Variants in TRPM3 observed in about 807,000 individuals in gnomAD.
The protein encoded by TRPM3 is transient receptor potential cation channel subfamily M member 3.
Under a neutral mutation model 181.2 loss-of-function variants are expected in TRPM3, and 77 were observed. The observed-to-expected ratio is 0.42, with a 90% CI of 0.35 to 0.51. TRPM3 has a LOEUF of 0.51. Among genes scored for constraint, TRPM3 ranks in the 20% least tolerant of loss-of-function variants. The probability of loss-of-function intolerance (pLI) is 0.01; values close to 1 mark genes in which losing one functional copy is unlikely to be tolerated. For missense variants in TRPM3, 1,759 were observed against 2,196.7 expected, an observed-to-expected ratio of 0.80 and a Z score of 3.98; for synonymous variants, 745 against 796.4, an observed-to-expected ratio of 0.94 and a Z score of 1.09.
At chr9:71,198,336 G>A (rs888601973) in intron 1 of TRPM3, among the ~76,000 whole-genome samples, 3 of 151,726 alleles carry the variant, frequency 2.0e-5, no homozygotes, top group African/African-American at 7.3e-5. Context: ...TTTGGCTTAG[G>A]AATGACTTGG....
rs1351806819 is a variant in TRPM3 at position 70,776,403 on chromosome 9, T to C, written c.1148+7702A>G. Reference sequence around the variant, plus strand: ...CAGCTGAGAGGACCGTCATTCGCCATCAACTAGCACCATTTCACTTCTAAA... The same window carrying C: ...CAGCTGAGAGGACCGTCATTCGCCACCAACTAGCACCATTTCACTTCTAAA... On this transcript the variant is annotated intron_variant, in intron 7 of 25. Coordinates refer to ENST00000677713, the MANE Select transcript of TRPM3 (RefSeq NM_001366145.2). The C allele has an allele frequency of 7.1e-6, 5 of 704,542 alleles. No individual in the cohort carries two copies. In the South Asian group the frequency reaches 7.7e-5, roughly 11 times the overall value. The allele number at this position is 704,542 out of a possible 1,614,324, so 43.6% of individuals were successfully genotyped here. A position where few individuals can be genotyped will look rare whatever the true frequency, so the allele number is the denominator to read the frequency against.
chr9:70,784,341 A>G, intron 6 of TRPM3, 62 bp from the exon 7 acceptor site: 1 of 1,465,856 alleles, frequency 6.8e-7, no homozygotes, highest in Non-Finnish European at 9.1e-7. Flanking sequence ...CAGCAAACCA[A>G]AGAAACAAAA....
intron 18 of TRPM3, among the ~76,000 whole-genome samples, chr9:70,611,963 C>T (rs1237617655): frequency 2.0e-5 from 3 of 152,232 alleles, no homozygotes; most frequent in Admixed American, 2.0e-4. Context: ...AACTCAGACA[C>T]TTCAAATTGG....
intron 25 of TRPM3, among the ~76,000 whole-genome samples, chr9:70,546,324 A>G (rs540711139): frequency 1.2e-4 from 18 of 152,314 alleles, no homozygotes; most frequent in Non-Finnish European, 2.2e-4. Context: ...CTTACTGCAG[A>G]TCTAGTGACA....
intron 3 of TRPM3, among the ~76,000 whole-genome samples, chr9:70,849,552 T>C (rs1341078035): frequency 1.3e-5 from 2 of 152,180 alleles, no homozygotes; most frequent in East Asian, 3.8e-4. Context: ...TAATGTAAGG[T>C]AAATCTTAAA....
intron 22 of TRPM3, among the ~76,000 whole-genome samples, chr9:70,580,640 C>T (rs1452749678): frequency 1.3e-5 from 2 of 152,200 alleles, no homozygotes; most frequent in Non-Finnish European, 2.9e-5. Flanking sequence ...ACCAGGCATG[C>T]TCTGTCATGC....
intron 3 of TRPM3, among the ~76,000 whole-genome samples, chr9:70,856,820 T>C (rs1187413647): frequency 6.6e-6 from 1 of 152,168 alleles, no homozygotes; most frequent in Non-Finnish European, 1.5e-5. Context: ...TGTGGGTGAC[T>C]TGAGAGGTTT....
intron 1 of TRPM3, among the ~76,000 whole-genome samples, chr9:71,292,774 A>G (rs76370303): frequency 0.012 from 1,843 of 152,058 alleles, 31 homozygotes; most frequent in African/African-American, 0.042. Flanking sequence ...AAAGGGGAGA[A>G]ATACTTCTAC....
chr9:71,254,940 G>T (rs2132039283), intron 1 of TRPM3, among the ~76,000 whole-genome samples: 1 of 152,270 alleles, frequency 6.6e-6, no homozygotes, highest in East Asian at 1.9e-4. Context: ...ATTATCAAAA[G>T]AAATCCCCTA....
intron 18 of TRPM3, among the ~76,000 whole-genome samples, chr9:70,612,062 G>A (rs1417439233): frequency 6.6e-6 from 1 of 152,096 alleles, no homozygotes. Context: ...TATAGGGTTG[G>A]CCTACAAGTC....
intron 9 of TRPM3, among the ~76,000 whole-genome samples, chr9:70,644,739 A>G (rs192194710): frequency 1.3e-5 from 2 of 152,328 alleles, no homozygotes; most frequent in East Asian, 3.9e-4. Flanking sequence ...AATAAGGGGT[A>G]TTCAAACAGG....
At chr9:70,559,500 C>T (rs938207415) in intron 22 of TRPM3, among the ~76,000 whole-genome samples, 6 of 152,156 alleles carry the variant, frequency 3.9e-5, no homozygotes, top group African/African-American at 1.4e-4. Flanking sequence ...GAAAATCTCC[C>T]TCTAGATGCT....
At chr9:71,272,735 TA>T (rs1417190559) in intron 1 of TRPM3, among the ~76,000 whole-genome samples, 13 of 137,702 alleles carry the variant, frequency 9.4e-5, no homozygotes, top group Admixed American at 3.8e-4. Flanking sequence ...TGTATGATCA[TA>T]TATTTTTTAG....
At chr9:71,302,679 G>C (rs1274275192) in intron 1 of TRPM3, among the ~76,000 whole-genome samples, 1 of 152,008 alleles carries the variant, frequency 6.6e-6, no homozygotes, top group East Asian at 1.9e-4. Flanking sequence ...GTAAGAGCTA[G>C]TCTTTGTTGA....
upstream of TRPM3, among the ~76,000 whole-genome samples, chr9:71,125,696 G>C (rs186196799): frequency 2.5e-4 from 38 of 152,110 alleles, no homozygotes; most frequent in Non-Finnish European, 4.9e-4. Context: ...TTTATATTTT[G>C]GGGGATACAT....
chr9:70,606,484 C>T (rs1303264620), intron 19 of TRPM3, among the ~76,000 whole-genome samples: 2 of 152,098 alleles, frequency 1.3e-5, no homozygotes, highest in African/African-American at 4.8e-5. Flanking sequence ...TGGGACAACT[C>T]TCAAAATACA....
chr9:70,573,941 C>T (rs1364276382), intron 22 of TRPM3, among the ~76,000 whole-genome samples: 2 of 149,958 alleles, frequency 1.3e-5, no homozygotes, highest in East Asian at 4.0e-4. Context: ...TGGATTGATG[C>T]AGAAATGTAG....
chr9:70,700,348 G>A (rs1036262746), intron 8 of TRPM3, among the ~76,000 whole-genome samples: 3 of 152,120 alleles, frequency 2.0e-5, no homozygotes, highest in Non-Finnish European at 4.4e-5. Flanking sequence ...GGTTTATCAA[G>A]AGCTTCCATC....
chr9:70,907,556 A>G lies in TRPM3; in HGVS notation c.178-43045T>C, dbSNP rs559605112. On this transcript the variant is annotated intron_variant, in intron 1 of 25. Transcript: ENST00000677713. Reference sequence around the variant, plus strand: ...GCCCTGAACTCAAATTTCTGTATGTATGTCTTTATTTTAGATTCAAGGGTA... The same window carrying G: ...GCCCTGAACTCAAATTTCTGTATGTGTGTCTTTATTTTAGATTCAAGGGTA... 5.9e-5 allele frequency among the ~76,000 whole-genome samples: 9 copies of G among 152,264 alleles called. No homozygotes were observed. The South Asian group carries it at 8.3e-4, about 14-fold the overall frequency.
Sources: gnomAD v4.1 joint callset for allele counts (sites outside exome capture counted in the v4.1 genomes callset) on GRCh38, gnomAD v4.1.1 for gene constraint, MANE v1.5 for transcripts, NCBI Gene and HGNC (gene_info 2026-07-23, HGNC 2026-07-21) for gene names.